MRPS6: variants seen among roughly 807,000 people sequenced by gnomAD.
MRPS6 encodes mitochondrial ribosomal protein S6, also known as small ribosomal subunit protein bS6m.
In MRPS6, 6 loss-of-function variants were observed where a neutral mutation model predicts 13.1. The ratio of observed to expected loss-of-function variants is 0.46; its 90% confidence interval spans 0.25 to 0.91. The LOEUF (loss-of-function observed/expected upper bound fraction) is 0.91, where lower values mean the gene tolerates loss of function less well. MRPS6 is among the 40% of genes least tolerant of loss of function. The probability of loss-of-function intolerance (pLI) is 0.18; values close to 1 mark genes in which losing one functional copy is unlikely to be tolerated. For missense variants in MRPS6, 164 were observed against 155.6 expected (o/e 1.05, Z -0.29); for synonymous variants, 61 against 56.5 (o/e 1.08, Z -0.36).
rs965216929 is a variant in MRPS6, at chr21:34,105,549, C to T, written c.46-19792C>T. 32 of 999,284 alleles carry T rather than the reference C, an allele frequency of 3.2e-5. No homozygotes were observed. The African/African-American group carries it at 4.9e-4, about 15-fold the overall frequency. The allele number at this position is 999,284 out of a possible 1,614,324, so 61.9% of individuals were successfully genotyped here. ...GAAACATGTTCTTCCCAGTGTCCTG[C>T]TTATGATGCTTTGTTCAGATTTTTT... On this transcript the variant is annotated intron_variant, in intron 1 of 2. Transcript: ENST00000399312.
chr21:34,114,830 G>C (rs1300499379), intron 1 of MRPS6, among the ~76,000 whole-genome samples: 1 of 152,142 alleles, frequency 6.6e-6, no homozygotes, highest in East Asian at 1.9e-4. Context: ...CTAATATATA[G>C]CTGACAACTA....
intron 1 of MRPS6, among the ~76,000 whole-genome samples, chr21:34,117,399 C>G (rs1979963607): frequency 6.6e-6 from 1 of 152,182 alleles, no homozygotes; most frequent in Admixed American, 6.5e-5. Context: ...CTTCAACCAA[C>G]CAGTTAGTAG....
chr21:34,128,015 G>C (rs1169020151), intron 2 of MRPS6, among the ~76,000 whole-genome samples: 3 of 152,226 alleles, frequency 2.0e-5, no homozygotes, highest in Non-Finnish European at 4.4e-5. Context: ...CTGGCTAATG[G>C]AGTGAGCCTA....
rs1159092685 is a variant in MRPS6, at chr21:34,085,065, A to G, written c.45+11320A>G. Among the ~76,000 whole-genome samples, 6 of 152,372 alleles carry G rather than the reference A, an allele frequency of 3.9e-5. No homozygotes were observed. In the East Asian group the frequency reaches 1.2e-3, roughly 29 times the overall value. ...GATACTACCACCAAATATTCAATTCATATAGAAATTTACGCTGTTCTTCCA... is the reference window on the plus strand; with the variant it reads ...GATACTACCACCAAATATTCAATTCGTATAGAAATTTACGCTGTTCTTCCA... On this transcript the variant is annotated intron_variant, in intron 1 of 2. Transcript: ENST00000399312.
intron 2 of MRPS6, among the ~76,000 whole-genome samples, chr21:34,131,438 G>A (rs770893420): frequency 9.1e-4 from 138 of 152,260 alleles, no homozygotes; most frequent in Middle Eastern, 6.8e-3. Flanking sequence ...CCCTTTTCTG[G>A]TCACCTTCCC....
At position 34,096,416 on chromosome 21, in the gene MRPS6, G is replaced by A. The variant is rs762719099; in HGVS notation, c.45+22671G>A. Reference sequence around the variant, plus strand: ...TCCGCAAGAGCGCAAGCTCCCGGGAGTTAATGATTGTGGGGAGGATATTTG... The same window carrying A: ...TCCGCAAGAGCGCAAGCTCCCGGGAATTAATGATTGTGGGGAGGATATTTG... On this transcript the variant is annotated intron_variant, in intron 1 of 2. Coordinates refer to ENST00000399312, the MANE Select transcript of MRPS6 (RefSeq NM_032476.4). This position sits in a 1 kb window ranked among gnomAD's most constrained non-coding sequence, Gnocchi z 5.9. 5.0e-6 allele frequency: 8 copies of A among 1,614,108 alleles called. No homozygotes were observed. The highest frequency in any genetic ancestry group is 3.3e-5 in the Admixed American group (2 of 60,010).
chr21:34,099,430 C>T, intron 1 of MRPS6: 1 of 1,000,012 alleles, frequency 1.0e-6, no homozygotes, highest in Non-Finnish European at 1.2e-6. Flanking sequence ...TTTGGGACAA[C>T]CTTTTGGTGT....
At chr21:34,093,564 A>T (rs1484015364) in intron 1 of MRPS6, among the ~76,000 whole-genome samples, 1 of 151,998 alleles carries the variant, frequency 6.6e-6, no homozygotes, top group Non-Finnish European at 1.5e-5. Flanking sequence ...TATAGGACTT[A>T]AAAGGAAAAT....
At chr21:34,108,980 G>C (rs16991227) in intron 1 of MRPS6, among the ~76,000 whole-genome samples, 1 of 152,094 alleles carries the variant, frequency 6.6e-6, no homozygotes, top group African/African-American at 2.4e-5. Context: ...TCCTGGACTG[G>C]TACACTTGGT....
intron 1 of MRPS6, chr21:34,103,299 T>TA: frequency 2.0e-6 from 2 of 976,760 alleles, no homozygotes; most frequent in Non-Finnish European, 2.4e-6. Context: ...AATTTTGTCG[T>TA]AACTAGTGAA....
rs760085209 is a variant in MRPS6, at chr21:34,142,479, T to G, written c.257T>G (p.Ile86Arg). Reference sequence around the variant, plus strand: ...ATGGTGGAGCACTTGTCTCGAGATATAGATGTGATTAGAGGGAATATTGTC... The same window carrying G: ...ATGGTGGAGCACTTGTCTCGAGATAGAGATGTGATTAGAGGGAATATTGTC... ...ESMVEHLSRDIDVIRGNIVKH... is the reference protein window; with the variant it reads ...ESMVEHLSRDRDVIRGNIVKH... Residue 86 changes from isoleucine to arginine, a missense_variant, in exon 3 of 3, where the codon ATA becomes AGA. By Grantham distance (97) the Ile-to-Arg change is moderately conservative (BLOSUM62 -3). Coordinates refer to ENST00000399312, the MANE Select transcript of MRPS6 (RefSeq NM_032476.4). 2 of 1,612,576 alleles carry G rather than the reference T, an allele frequency of 1.2e-6. No homozygotes were observed. The highest frequency in any genetic ancestry group is 2.7e-5 in the African/African-American group (2 of 74,874).
At chr21:34,075,578 A>G (rs146540513) in intron 1 of MRPS6, among the ~76,000 whole-genome samples, 1,777 of 152,360 alleles carry the variant, frequency 0.012, 21 homozygotes, top group Non-Finnish European at 0.017. Flanking sequence ...AAAGTAGATA[A>G]TAAAGGTGAA....
intron 1 of MRPS6, among the ~76,000 whole-genome samples, chr21:34,082,250 A>G (rs911122228): frequency 6.6e-6 from 1 of 152,148 alleles, no homozygotes; most frequent in Non-Finnish European, 1.5e-5. Flanking sequence ...TTGCAGTAGG[A>G]CTGATTTCAG....
intron 2 of MRPS6, among the ~76,000 whole-genome samples, chr21:34,131,877 G>A (rs1483275301): frequency 6.6e-6 from 1 of 152,214 alleles, no homozygotes; most frequent in Non-Finnish European, 1.5e-5. Context: ...CAGCCTCTCT[G>A]CCCAGCTGGG....
At chr21:34,107,645 T>C (rs1979533343) in intron 1 of MRPS6, among the ~76,000 whole-genome samples, 1 of 152,214 alleles carries the variant, frequency 6.6e-6, no homozygotes, top group East Asian at 1.9e-4. Flanking sequence ...GGGAGGATAC[T>C]GTACTCAAGA....
intron 1 of MRPS6, chr21:34,098,509 A>AT (rs1979077125): frequency 1.0e-6 from 1 of 999,942 alleles, no homozygotes; most frequent in Non-Finnish European, 1.2e-6. Flanking sequence ...CAGCCTCTAC[A>AT]TTTTTGTTGT....
chr21:34,139,105 A>G (rs1160268572), intron 2 of MRPS6, among the ~76,000 whole-genome samples: 1 of 146,386 alleles, frequency 6.8e-6, no homozygotes, highest in Non-Finnish European at 1.5e-5. Context: ...CAAACACCGC[A>G]TGTTCTCACT....
At chr21:34,081,709 T>G (rs1369522416) in intron 1 of MRPS6, among the ~76,000 whole-genome samples, 2 of 152,210 alleles carry the variant, frequency 1.3e-5, no homozygotes, top group Admixed American at 1.3e-4. Context: ...AAAGTGGTTA[T>G]GTGACCTTGG....
intron 1 of MRPS6, among the ~76,000 whole-genome samples, chr21:34,107,651 CAA>C (rs1410473730): frequency 2.0e-5 from 3 of 152,144 alleles, no homozygotes; most frequent in Admixed American, 6.5e-5. Context: ...ATACTGTACT[CAA>C]GAGCTTCCCC....
Sources: gnomAD v4.1 joint callset for allele counts (sites outside exome capture counted in the v4.1 genomes callset) on GRCh38, gnomAD v4.1.1 for gene constraint, Gnocchi (gnomAD v3.1) non-coding constraint, MANE v1.5 for transcripts, NCBI Gene and HGNC (gene_info 2026-07-23, HGNC 2026-07-21) for gene names.